PLCE1: variants seen among roughly 807,000 people sequenced by gnomAD.
PLCE1 encodes the protein 1-phosphatidylinositol 4,5-bisphosphate phosphodiesterase epsilon-1.
Under a neutral mutation model 242.8 loss-of-function variants are expected in PLCE1, and 119 were observed. That is an observed-to-expected ratio of 0.49 (90% CI 0.42 to 0.57). The LOEUF (loss-of-function observed/expected upper bound fraction) is 0.57, where lower values mean the gene tolerates loss of function less well. Ranked by LOEUF, PLCE1 falls within the 20% of genes least tolerant of loss-of-function variation. PLCE1 has a pLI of 0.00. For missense variants in PLCE1, 2,441 were observed against 2,788.8 expected (o/e 0.88, Z 2.81); for synonymous variants, 945 against 1,017.4 (o/e 0.93, Z 1.35).
intron 30 of PLCE1, among the ~76,000 whole-genome samples, chr10:94,323,600 T>C (rs1035179443): frequency 1.3e-5 from 2 of 152,240 alleles, no homozygotes; most frequent in African/African-American, 4.8e-5. Flanking sequence ...GTACTTTCCT[T>C]GAAGGTTAAG....
chr10:94,329,364 TTCTTC>T lies in PLCE1; in HGVS notation c.*1422_*1426del, dbSNP rs2054129046. ...GGTATCTTTGAATTTTAAGACACTT[TTCTTC>T]AAATTACAAAACACTAAAACTCACT... is the stretch of plus-strand genomic sequence containing the variant. On this transcript the variant is annotated 3_prime_UTR_variant, in exon 33 of 33. Coordinates refer to ENST00000371380, the MANE Select transcript of PLCE1 (RefSeq NM_016341.4). 1 of 152,204 alleles carries T rather than the reference TTCTTC, an allele frequency of 6.6e-6. No homozygotes were observed. Among genetic ancestry groups the T allele is most frequent in the African/African-American group, 2.4e-5 (1 of 41,454 alleles). The allele number at this position is 152,204 out of a possible 1,614,324, so 9.4% of individuals were successfully genotyped here.
At chr10:94,108,055 G>A (rs531968982) in intron 2 of PLCE1, among the ~76,000 whole-genome samples, 1 of 152,182 alleles carries the variant, frequency 6.6e-6, no homozygotes, top group Non-Finnish European at 1.5e-5. Context: ...CAATTCCATA[G>A]CACAAGCTAG....
intron 1 of PLCE1, among the ~76,000 whole-genome samples, chr10:94,010,112 T>G (rs1486641736): frequency 7.9e-5 from 12 of 152,206 alleles, no homozygotes; most frequent in African/African-American, 1.7e-4. Context: ...CTCTGAAATC[T>G]AGGGGGAAGC....
chr10:94,269,581 A>T (rs957891782), intron 17 of PLCE1, among the ~76,000 whole-genome samples: 1 of 152,210 alleles, frequency 6.6e-6, no homozygotes, highest in South Asian at 2.1e-4. Flanking sequence ...AACCCAAGTT[A>T]GTAACCATTA....
intron 3 of PLCE1, among the ~76,000 whole-genome samples, chr10:94,134,601 A>C (rs2046708584): frequency 6.6e-6 from 1 of 152,162 alleles, no homozygotes; most frequent in African/African-American, 2.4e-5. Context: ...AGTTTTTATT[A>C]ACTCATTTTG....
chr10:94,109,453 CA>C (rs1283420918), intron 2 of PLCE1, among the ~76,000 whole-genome samples: 1 of 152,002 alleles, frequency 6.6e-6, no homozygotes, highest in Non-Finnish European at 1.5e-5. Flanking sequence ...ACTAAAAATA[CA>C]AAAATTCGCC....
chr10:94,010,771 T>C (rs1014151976), intron 1 of PLCE1, among the ~76,000 whole-genome samples: 1 of 152,204 alleles, frequency 6.6e-6, no homozygotes, highest in Non-Finnish European at 1.5e-5. Context: ...TGCTAAGGTA[T>C]AACAAGGTGA....
intron 14 of PLCE1, 37 bp downstream of exon 14, chr10:94,262,769 G>A: frequency 7.9e-7 from 1 of 1,270,448 alleles, no homozygotes; most frequent in Non-Finnish European, 1.2e-6. Context: ...TGTGTGTGAT[G>A]CCTCTGGCTA....
At chr10:94,307,553 A>C (rs2053243584) in intron 26 of PLCE1, among the ~76,000 whole-genome samples, 1 of 152,186 alleles carries the variant, frequency 6.6e-6, no homozygotes, top group Non-Finnish European at 1.5e-5. Context: ...TGAACCACAG[A>C]AATGTATTTC....
chr10:94,221,740 AAAGAAGAAG>A (rs556168808), intron 4 of PLCE1, among the ~76,000 whole-genome samples: 1 of 152,000 alleles, frequency 6.6e-6, no homozygotes, highest in Non-Finnish European at 1.5e-5. Context: ...GTCTAAAAAA[AAAGAAGAAG>A]AAGAAGAAGA....
chr10:94,058,188 T>G (rs2043957052), intron 2 of PLCE1, among the ~76,000 whole-genome samples: 1 of 152,210 alleles, frequency 6.6e-6, no homozygotes, highest in Admixed American at 6.5e-5. Flanking sequence ...TTTCTTTTGC[T>G]TGTTACTGCA....
At chr10:94,255,125 TG>T in intron 11 of PLCE1, 76 bp downstream of exon 11, 1 of 1,500,476 alleles carries the variant, frequency 6.7e-7, no homozygotes, top group Non-Finnish European at 9.3e-7. Context: ...TCTTTACAGT[TG>T]TCTATGGAAA....
intron 2 of PLCE1, among the ~76,000 whole-genome samples, chr10:94,079,608 G>T (rs2044599819): frequency 6.6e-6 from 1 of 152,112 alleles, no homozygotes; most frequent in South Asian, 2.1e-4. Flanking sequence ...TTTAAAAAAA[G>T]AAATTTAATT....
chr10:93,994,373 G>T (rs1489320351), intron 1 of PLCE1, among the ~76,000 whole-genome samples, 115 bp downstream of exon 1: 1 of 152,242 alleles, frequency 6.6e-6, no homozygotes, highest in Admixed American at 6.5e-5. Context: ...CCGCGTACCT[G>T]GCGGAAAAGT....
At chr10:94,301,102 T>C (rs962158781) in intron 24 of PLCE1, among the ~76,000 whole-genome samples, 5 of 151,794 alleles carry the variant, frequency 3.3e-5, no homozygotes, top group African/African-American at 1.2e-4. Flanking sequence ...CCCAGCACTT[T>C]GGGAGGCCAA....
chr10:94,284,580 C>T (rs957441026), intron 21 of PLCE1, among the ~76,000 whole-genome samples: 16 of 152,182 alleles, frequency 1.1e-4, no homozygotes, highest in Non-Finnish European at 1.5e-5. Flanking sequence ...AGTCAATCCT[C>T]TATTTATTTA....
At chr10:94,001,867 A>G (rs1287195390) in intron 1 of PLCE1, among the ~76,000 whole-genome samples, 1 of 152,248 alleles carries the variant, frequency 6.6e-6, no homozygotes, top group Non-Finnish European at 1.5e-5. Context: ...AAAATTCACA[A>G]AAGCTAAATA....
chr10:94,277,004 A>G (rs2051978486), intron 19 of PLCE1, among the ~76,000 whole-genome samples: 1 of 152,066 alleles, frequency 6.6e-6, no homozygotes, highest in Non-Finnish European at 1.5e-5. Context: ...CCTCAAATAA[A>G]CCAGGTGATC....
chr10:94,132,135 A>G, intron 2 of PLCE1, 39 bp from the exon 3 acceptor site: 2 of 1,601,864 alleles, frequency 1.2e-6, no homozygotes, highest in Non-Finnish European at 1.7e-6. Context: ...TTTCCTAAGA[A>G]ACTAGATTAA....
Sources: gnomAD v4.1 joint callset for allele counts (sites outside exome capture counted in the v4.1 genomes callset) on GRCh38, gnomAD v4.1.1 for gene constraint, MANE v1.5 for transcripts, NCBI Gene and HGNC (gene_info 2026-07-23, HGNC 2026-07-21) for gene names.